The following MTCL2 variants were observed in gnomAD, a reference collection of about 807,000 sequenced individuals.
MTCL2 encodes the protein microtubule cross-linking factor 2.
the MTCL2 span, among the ~76,000 whole-genome samples, chr20:36,858,084 C>T: frequency 1.3e-5 from 2 of 152,064 alleles, no homozygotes; most frequent in Non-Finnish European, 2.9e-5. Flanking sequence ...TCAGCCTAGA[C>T]ACGCTAGTTA....
At chr20:36,793,173 C>T in the MTCL2 span, 1 of 1,456,782 alleles carries the variant, frequency 6.9e-7, no homozygotes. The surrounding 1 kb of genome is among the most constrained non-coding windows in gnomAD (Gnocchi z 6.8). Context: ...TATCTCTGAA[C>T]TTAAAAACCA....
the MTCL2 span, among the ~76,000 whole-genome samples, chr20:36,825,225 G>C: frequency 6.6e-6 from 1 of 152,198 alleles, no homozygotes; most frequent in Non-Finnish European, 1.5e-5. Context: ...TTACAGGTGT[G>C]AGCCACTGTG....
the MTCL2 span, among the ~76,000 whole-genome samples, chr20:36,807,151 T>C: frequency 0.028 from 4,309 of 152,176 alleles, 250 homozygotes; most frequent in African/African-American, 0.099. Context: ...GGTGTGGGCC[T>C]ATGGAATGGC....
the MTCL2 span, chr20:36,829,281 C>T: frequency 2.0e-6 from 3 of 1,470,672 alleles, no homozygotes; most frequent in African/African-American, 2.8e-5. Flanking sequence ...GTCCCACTGA[C>T]CACCCGACTT....
the MTCL2 span, chr20:36,815,973 C>A: frequency 1.6e-5 from 26 of 1,613,338 alleles, no homozygotes; most frequent in Middle Eastern, 3.3e-4. This position sits in a 1 kb window ranked among gnomAD's most constrained non-coding sequence, Gnocchi z 5.3. Flanking sequence ...TGCCTCAGGA[C>A]CCCCACAGCC....
At chr20:36,839,906 G>T in the MTCL2 span, among the ~76,000 whole-genome samples, 5 of 152,206 alleles carry the variant, frequency 3.3e-5, no homozygotes, top group Non-Finnish European at 7.3e-5. This position sits in a 1 kb window ranked among gnomAD's most constrained non-coding sequence, Gnocchi z 5.1. Context: ...CTGTTGCCCA[G>T]GCTGGAGTGT....
At chr20:36,858,885 G>A in the MTCL2 span, among the ~76,000 whole-genome samples, 1 of 152,088 alleles carries the variant, frequency 6.6e-6, no homozygotes, top group African/African-American at 2.4e-5. Context: ...CTGCCTCCCA[G>A]GGTCAAGTGA....
At chr20:36,797,049 C>CGGATGAGGAGAT in the MTCL2 span, 1 of 1,073,260 alleles carries the variant, frequency 9.3e-7, no homozygotes, top group Non-Finnish European at 1.4e-6. Flanking sequence ...CTTGAATCTC[C>CGGATGAGGAGAT]TCATCCGGAG....
chr20:36,818,801 A>T, the MTCL2 span, among the ~76,000 whole-genome samples: 1 of 152,246 alleles, frequency 6.6e-6, no homozygotes, highest in East Asian at 1.9e-4. Context: ...AAGGGTTGAT[A>T]TCCTAAATAT....
the MTCL2 span, chr20:36,828,965 A>G: frequency 7.2e-7 from 1 of 1,389,654 alleles, no homozygotes; most frequent in Middle Eastern, 2.6e-4. Flanking sequence ...ATTTCCCACA[A>G]GCGGGGGCTC....
chr20:36,781,596 A>G, the MTCL2 span: 14 of 151,914 alleles, frequency 9.2e-5, no homozygotes, highest in African/African-American at 3.1e-4. Context: ...CTGTAACCCC[A>G]GCACTTTGGG....
At chr20:36,838,708 C>T in the MTCL2 span, among the ~76,000 whole-genome samples, 2 of 150,798 alleles carry the variant, frequency 1.3e-5, no homozygotes, top group African/African-American at 4.9e-5. Flanking sequence ...TGGCTCATGC[C>T]TGTAACCCCA....
At chr20:36,821,464 G>A in the MTCL2 span, among the ~76,000 whole-genome samples, 3 of 151,810 alleles carry the variant, frequency 2.0e-5, no homozygotes, top group Non-Finnish European at 4.4e-5. Context: ...GGAGGCAGAG[G>A]TTGCAGTGAG....
the MTCL2 span, chr20:36,793,655 G>A: frequency 1.3e-6 from 2 of 1,550,726 alleles, no homozygotes; most frequent in Non-Finnish European, 8.7e-7. The surrounding 1 kb of genome is among the most constrained non-coding windows in gnomAD (Gnocchi z 6.8). Flanking sequence ...CGTGGTGGTG[G>A]AGCGGGCCCA....
chr20:36,822,742 A>G, the MTCL2 span, among the ~76,000 whole-genome samples: 2 of 151,850 alleles, frequency 1.3e-5, no homozygotes, highest in African/African-American at 4.9e-5. Flanking sequence ...CTTCAGGTAC[A>G]AAATTTACTC....
the MTCL2 span, among the ~76,000 whole-genome samples, chr20:36,819,899 A>C: frequency 6.6e-6 from 1 of 152,192 alleles, no homozygotes; most frequent in Non-Finnish European, 1.5e-5. Flanking sequence ...AGCTTTCAAA[A>C]GCTGGAAGGG....
the MTCL2 span, among the ~76,000 whole-genome samples, chr20:36,836,854 A>G: frequency 6.6e-6 from 1 of 152,076 alleles, no homozygotes; most frequent in African/African-American, 2.4e-5. Flanking sequence ...TTGTGCACCA[A>G]CAAGACCACA....
the MTCL2 span, among the ~76,000 whole-genome samples, chr20:36,799,258 A>C: frequency 6.6e-6 from 1 of 152,132 alleles, no homozygotes; most frequent in African/African-American, 2.4e-5. Flanking sequence ...TGGGAGGCCA[A>C]GGCAGGTGGA....
chr20:36,810,753 T>TCTCTCTCTCTCTCTCTC, the MTCL2 span, among the ~76,000 whole-genome samples: 45 of 146,596 alleles, frequency 3.1e-4, no homozygotes, highest in Non-Finnish European at 5.1e-4. Context: ...TCTCTCTCTC[T>TCTCTCTCTCTCTCTCTC]TTCAACGGAG....
Sources: allele counts gnomAD v4.1 joint callset (sites outside exome capture counted in the v4.1 genomes callset), GRCh38; gene constraint gnomAD v4.1.1; non-coding constraint Gnocchi (gnomAD v3.1); transcripts MANE v1.5; gene names NCBI Gene and HGNC (gene_info 2026-07-23, HGNC 2026-07-21).